Variants in MID1 observed in about 807,000 individuals in gnomAD.
MID1 encodes midline 1.
MID1 carries 7 observed loss-of-function variants against 40.4 expected under a neutral mutation model. The ratio of observed to expected loss-of-function variants is 0.17; its 90% CI spans 0.10 to 0.33. MID1 has a LOEUF of 0.33. Ranked by LOEUF, MID1 falls within the 10% of genes least tolerant of loss-of-function variation. MID1 has a pLI of 1.00. For missense variants in MID1, 367 were observed against 558.5 expected (o/e 0.66, Z 3.46); for synonymous variants, 229 against 221.2 (o/e 1.04, Z -0.31).
At chrX:10,616,908 G>A (rs1211506428) in intron 1 of MID1, among the ~76,000 whole-genome samples, 1 of 112,543 alleles carries the variant, frequency 8.9e-6, no homozygotes, top group African/African-American at 3.2e-5. Context: ...ATTCCAGTTA[G>A]TTACTGTATC....
chrX:10,659,069 T>TTC (rs761389934), intron 1 of MID1, among the ~76,000 whole-genome samples: 8,579 of 111,604 alleles, frequency 0.077, 500 homozygotes, highest in African/African-American at 0.2. Flanking sequence ...TTACAGTCTT[T>TTC]GGAGCACAAA....
intron 1 of MID1, among the ~76,000 whole-genome samples, chrX:10,588,490 A>G (rs1935190610): frequency 9.0e-6 from 1 of 111,475 alleles, no homozygotes; most frequent in Non-Finnish European, 1.9e-5. Context: ...GTTACTGAGA[A>G]TACCTTTAAT....
intron 1 of MID1, among the ~76,000 whole-genome samples, chrX:10,721,157 C>A (rs1417816067): frequency 9.1e-6 from 1 of 110,328 alleles, no homozygotes; most frequent in East Asian, 2.9e-4. Context: ...ATGTAACAAA[C>A]CTGCCCGTGG....
chrX:10,558,648 T>C (rs993842822), intron 2 of MID1, among the ~76,000 whole-genome samples: 1 of 113,041 alleles, frequency 8.8e-6, no homozygotes, highest in Admixed American at 9.3e-5. Context: ...ACATTCTGCC[T>C]CCTAGTTTCT....
At chrX:10,718,453 T>C (rs773372152) in intron 1 of MID1, among the ~76,000 whole-genome samples, 1 of 111,223 alleles carries the variant, frequency 9.0e-6, no homozygotes, top group South Asian at 3.8e-4. Context: ...CCGGAAGAAA[T>C]GGATAAATTC....
In MID1 at chrX:10,562,235, C is replaced by A. The variant is rs956640969; in HGVS notation, c.660+4653G>T. 1.6e-4 allele frequency among the ~76,000 whole-genome samples: 16 copies of A among 102,818 alleles called. No individual in the cohort carries two copies. In the Admixed American group the frequency reaches 1.6e-3, roughly 11 times the overall value. 89.3% of individuals were successfully genotyped at this position (102,818 alleles called of 115,157 possible). On this transcript the variant is annotated intron_variant, in intron 2 of 9. Transcript: ENST00000317552. Reference sequence around the variant, plus strand: ...GGGCCTGTCAGGGTTGTGGGGCGAGCGGGGGAGAGCATTAGGACAAATACC... The same window carrying A: ...GGGCCTGTCAGGGTTGTGGGGCGAGAGGGGGAGAGCATTAGGACAAATACC...
At chrX:10,469,933 C>T in intron 6 of MID1, 93 bp from the exon 7 acceptor site, 1 of 834,057 alleles carries the variant, frequency 1.2e-6, no homozygotes, top group Non-Finnish European at 1.8e-6. Flanking sequence ...AGGTCCTTCT[C>T]AATAGGTCCA....
intron 1 of MID1, among the ~76,000 whole-genome samples, chrX:10,735,528 T>G (rs932054551): frequency 1.8e-5 from 2 of 112,302 alleles, no homozygotes; most frequent in East Asian, 5.6e-4. Context: ...AAGAAAATCT[T>G]TTATCTGTTG....
At chrX:10,774,166 A>T (rs1036479366) in intron 1 of MID1, among the ~76,000 whole-genome samples, 2 of 111,315 alleles carry the variant, frequency 1.8e-5, no homozygotes, top group African/African-American at 6.5e-5. Context: ...AATTGTACCA[A>T]CAAGAAGGAG....
intron 7 of MID1, among the ~76,000 whole-genome samples, chrX:10,467,215 G>GA (rs1929436542): frequency 9.0e-6 from 1 of 111,575 alleles, no homozygotes; most frequent in South Asian, 3.8e-4. Context: ...AATATTTATT[G>GA]AAAAAAACAA....
intron 1 of MID1, among the ~76,000 whole-genome samples, chrX:10,759,916 G>A (rs1174668339): frequency 8.9e-6 from 1 of 111,890 alleles, no homozygotes; most frequent in Non-Finnish European, 1.9e-5. Context: ...ATGGGAATCT[G>A]GGTTGGAGTT....
In MID1 at chrX:10,449,167, TAAAG is replaced by T. The variant is rs1928170660; in HGVS notation, c.*197_*200del. 5.5e-6 allele frequency: 2 copies of T among 364,564 alleles called. No homozygotes were observed. Among genetic ancestry groups the T allele is most frequent in the Middle Eastern group, 7.3e-4 (1 of 1,373 alleles). 30.0% of individuals were successfully genotyped at this position (364,564 alleles called of 1,213,427 possible). On this transcript the variant is annotated 3_prime_UTR_variant, in exon 10 of 10. Transcript: ENST00000317552. ...GATTTTCCTCTAAATACAAAAAAATTAAAGAAATTATTAAAGCCCGTACTTAATA... is the reference window on the plus strand; with the variant it reads ...GATTTTCCTCTAAATACAAAAAAATTAAATTATTAAAGCCCGTACTTAATA...
chrX:10,635,874 C>T (rs959424032), intron 1 of MID1, among the ~76,000 whole-genome samples: 3 of 112,005 alleles, frequency 2.7e-5, no homozygotes, highest in Admixed American at 9.5e-5. Context: ...TGTCTTCACT[C>T]GTGAAGATTG....
intron 4 of MID1, among the ~76,000 whole-genome samples, chrX:10,487,982 C>CTT (rs953085669): frequency 4.3e-4 from 38 of 87,916 alleles, no homozygotes; most frequent in African/African-American, 1.4e-3. Context: ...ACCTACAAGT[C>CTT]TTTTTTTTTT....
At chrX:10,611,728 G>A (rs1935740513) in intron 1 of MID1, among the ~76,000 whole-genome samples, 1 of 111,496 alleles carries the variant, frequency 9.0e-6, no homozygotes, top group Non-Finnish European at 1.9e-5. Flanking sequence ...TCATGCAGAA[G>A]TCTCATTTCA....
intron 5 of MID1, among the ~76,000 whole-genome samples, chrX:10,480,301 G>T (rs1036330388): frequency 1.8e-5 from 2 of 112,424 alleles, no homozygotes; most frequent in East Asian, 5.6e-4. Context: ...GAGGGAGATT[G>T]TATGTGGGCA....
chrX:10,655,817 G>A (rs2042867030), intron 1 of MID1, among the ~76,000 whole-genome samples: 2 of 110,492 alleles, frequency 1.8e-5, no homozygotes, highest in Admixed American at 1.9e-4. Context: ...GTGGAGCAGC[G>A]ATTGATCATG....
intron 1 of MID1, among the ~76,000 whole-genome samples, chrX:10,719,272 T>C (rs1168352957): frequency 6.3e-4 from 70 of 110,680 alleles, no homozygotes; most frequent in Admixed American, 1.4e-3. Context: ...TGTTTGCAGA[T>C]GACATGATTG....
chrX:10,808,343 G>A (rs1326594973), intron 1 of MID1, among the ~76,000 whole-genome samples: 1 of 111,200 alleles, frequency 9.0e-6, no homozygotes, highest in Non-Finnish European at 1.9e-5. Context: ...CCCTTTGTAC[G>A]ATGCCCTTAT....
Sources: gnomAD v4.1 joint callset for allele counts (sites outside exome capture counted in the v4.1 genomes callset) on GRCh38, gnomAD v4.1.1 for gene constraint, MANE v1.5 for transcripts, NCBI Gene and HGNC (gene_info 2026-07-23, HGNC 2026-07-21) for gene names.